Variants in PTPRD observed in about 807,000 individuals in gnomAD.
PTPRD encodes protein tyrosine phosphatase receptor type D.
In PTPRD, 34 loss-of-function variants were observed where a neutral mutation model predicts 214.5. That is an observed-to-expected ratio of 0.16 (90% CI 0.12 to 0.21). PTPRD has a LOEUF of 0.21. Ranked by LOEUF, PTPRD falls within the 10% of genes least tolerant of loss-of-function variation. The pLI is 1.00. For synonymous variants in PTPRD, 1,128 were observed against 845.7 expected (o/e 1.33, Z -5.79); for missense variants, 2,545 against 2,398.7 (o/e 1.06, Z -1.27).
intron 9 of PTPRD, among the ~76,000 whole-genome samples, chr9:9,352,029 A>G (rs1305042954): frequency 6.6e-6 from 1 of 151,896 alleles, no homozygotes; most frequent in African/African-American, 2.4e-5. Context: ...GCTGGTCCCA[A>G]ACTCTTAGCC....
intron 9 of PTPRD, among the ~76,000 whole-genome samples, chr9:9,325,368 T>C (rs1448099716): frequency 2.6e-5 from 4 of 151,794 alleles, no homozygotes; most frequent in Non-Finnish European, 5.9e-5. Flanking sequence ...TTTATTTCAT[T>C]GAGCAGTGGT....
intron 11 of PTPRD, among the ~76,000 whole-genome samples, chr9:8,826,585 C>A (rs142033067): frequency 4.6e-5 from 7 of 151,790 alleles, no homozygotes; most frequent in African/African-American, 1.7e-4. Context: ...TCCTTCAGGT[C>A]TTTACTTAAA....
chr9:9,809,118 C>A lies in PTPRD; in HGVS notation c.-367-42267G>T, dbSNP rs117479445. ...GGCATTTAATCCCCAACTATGTGGC[C>A]CTTCTTTTGGGTCTCATATTTGTGG... On this transcript the variant is annotated intron_variant, in intron 5 of 45. Coordinates refer to ENST00000381196, the MANE Select transcript of PTPRD (RefSeq NM_002839.4). Among the ~76,000 whole-genome samples the A allele has an allele frequency of 1.5e-3, 226 of 151,992 alleles. 3 individuals are homozygous for A. The highest frequency in any genetic ancestry group is 3.4e-3 in the Middle Eastern group (1 of 292).
chr9:10,601,197 A>T (rs1347424401), intron 2 of PTPRD, among the ~76,000 whole-genome samples: 1 of 151,720 alleles, frequency 6.6e-6, no homozygotes, highest in Non-Finnish European at 1.5e-5. Context: ...GAAAAAACGA[A>T]TAGAGTAAGT....
chr9:10,407,431 A>C (rs973719605), intron 2 of PTPRD, among the ~76,000 whole-genome samples: 1 of 151,568 alleles, frequency 6.6e-6, no homozygotes. Context: ...TATTCTAAGT[A>C]TGAGATTTTG....
At chr9:9,588,388 G>A (rs1422034296) in intron 7 of PTPRD, among the ~76,000 whole-genome samples, 2 of 151,902 alleles carry the variant, frequency 1.3e-5, no homozygotes, top group Non-Finnish European at 2.9e-5. Context: ...CATTCAAACT[G>A]CTCAGAGGAA....
intron 8 of PTPRD, among the ~76,000 whole-genome samples, chr9:9,491,472 A>C (rs2095893613): frequency 6.6e-6 from 1 of 151,982 alleles, no homozygotes; most frequent in African/African-American, 2.4e-5. Flanking sequence ...TACTCTTCCC[A>C]AAAACAACAG....
intron 3 of PTPRD, among the ~76,000 whole-genome samples, chr9:10,267,575 T>C (rs1400296412): frequency 6.6e-6 from 1 of 152,226 alleles, no homozygotes; most frequent in Non-Finnish European, 1.5e-5. Context: ...AAGAATTACC[T>C]TACATTTTAA....
intron 3 of PTPRD, among the ~76,000 whole-genome samples, chr9:10,118,021 T>TAATGA (rs763835206): frequency 1.3e-5 from 2 of 152,024 alleles, no homozygotes; most frequent in Non-Finnish European, 2.9e-5. Context: ...AGGAAATGTC[T>TAATGA]AATGAATGTA....
chr9:9,111,252 CT>C (rs35720054), intron 10 of PTPRD, among the ~76,000 whole-genome samples: 5,627 of 132,732 alleles, frequency 0.042, 250 homozygotes, highest in African/African-American at 0.13. Flanking sequence ...GTGGAAATAC[CT>C]TTTTTTTTTT....
intron 8 of PTPRD, among the ~76,000 whole-genome samples, chr9:9,430,396 T>A (rs906643524): frequency 6.6e-6 from 1 of 151,194 alleles, no homozygotes; most frequent in Non-Finnish European, 1.5e-5. Flanking sequence ...CTCAACAAAT[T>A]AAAAGAGGAC....
intron 5 of PTPRD, among the ~76,000 whole-genome samples, chr9:9,836,773 A>G (rs935554140): frequency 2.6e-5 from 4 of 152,184 alleles, no homozygotes; most frequent in Admixed American, 6.6e-5. Flanking sequence ...AAACTTACCT[A>G]TGTCTCAGGG....
intron 34 of PTPRD, among the ~76,000 whole-genome samples, chr9:8,438,156 CAT>C (rs2095423003): frequency 6.6e-6 from 1 of 152,148 alleles, no homozygotes; most frequent in African/African-American, 2.4e-5. Context: ...GTCAACATGA[CAT>C]GTGACTACTT....
chr9:9,273,122 T>C (rs558785325), intron 9 of PTPRD, among the ~76,000 whole-genome samples: 1 of 151,444 alleles, frequency 6.6e-6, no homozygotes, highest in South Asian at 2.1e-4. Context: ...AACATCTTCA[T>C]GCATTCCATT....
chr9:8,938,522 G>A (rs2099012187), intron 11 of PTPRD, among the ~76,000 whole-genome samples: 1 of 151,938 alleles, frequency 6.6e-6, no homozygotes, highest in African/African-American at 2.4e-5. Flanking sequence ...TTCTGGTTTG[G>A]GAATACATTT....
intron 12 of PTPRD, among the ~76,000 whole-genome samples, chr9:8,681,540 A>G (rs1290385749): frequency 6.6e-6 from 1 of 152,082 alleles, no homozygotes; most frequent in African/African-American, 2.4e-5. Context: ...TTGTCCCTCA[A>G]TCTGTACCTC....
At chr9:10,193,134 C>T (rs766004774) in intron 3 of PTPRD, among the ~76,000 whole-genome samples, 4 of 152,038 alleles carry the variant, frequency 2.6e-5, no homozygotes, top group Non-Finnish European at 5.9e-5. Flanking sequence ...TTTATCAACC[C>T]CCTTCCCCGT....
At position 8,653,987 on chromosome 9, in the gene PTPRD, G is replaced by T. The variant is rs538323680; in HGVS notation, c.65-17143C>A. On this transcript the variant is annotated intron_variant, in intron 12 of 45. Transcript: ENST00000381196. Reference sequence around the variant, plus strand: ...TAACAGCTACTTCCCCTTAAAACAGGGCCTTTCACTACTGACATTTTGGGT... The same window carrying T: ...TAACAGCTACTTCCCCTTAAAACAGTGCCTTTCACTACTGACATTTTGGGT... Among the ~76,000 whole-genome samples, 51 of 152,086 alleles carry T rather than the reference G, an allele frequency of 3.4e-4. 1 individual carries two copies. In the East Asian group the frequency reaches 7.6e-3, roughly 23 times the overall value.
At chr9:8,721,194 C>T (rs758590799) in intron 12 of PTPRD, among the ~76,000 whole-genome samples, 1 of 151,768 alleles carries the variant, frequency 6.6e-6, no homozygotes, top group Non-Finnish European at 1.5e-5. Flanking sequence ...TTTGGGAAGC[C>T]GAGGCAGGGG....
Sources: gnomAD v4.1 joint callset for allele counts (sites outside exome capture counted in the v4.1 genomes callset) on GRCh38, gnomAD v4.1.1 for gene constraint, MANE v1.5 for transcripts, NCBI Gene and HGNC (gene_info 2026-07-23, HGNC 2026-07-21) for gene names.